Variants in EYS observed in about 807,000 individuals in gnomAD.
EYS encodes EGF-like photoreceptor maintenance factor.
EYS carries 250 observed loss-of-function variants against 282.1 expected under a neutral mutation model. The ratio of observed to expected loss-of-function variants is 0.89; its 90% CI spans 0.80 to 0.98. EYS has a LOEUF of 0.98. Among genes scored for constraint, EYS ranks in the 50% least tolerant of loss-of-function variants. The pLI, the probability that EYS is intolerant of heterozygous loss-of-function variation, is 0.00. For missense variants in EYS, 4,016 were observed against 3,709.0 expected (o/e 1.08, Z -2.15); for synonymous variants, 1,355 against 1,282.9 (o/e 1.06, Z -1.20).
At chr6:64,071,302 T>C (rs1771565080) in intron 32 of EYS, among the ~76,000 whole-genome samples, 1 of 152,034 alleles carries the variant, frequency 6.6e-6, no homozygotes, top group Non-Finnish European at 1.5e-5. Flanking sequence ...TATTTCCCAA[T>C]ACTGTAAGTT....
At chr6:64,428,869 T>C (rs112247354) in intron 28 of EYS, among the ~76,000 whole-genome samples, 3,336 of 152,262 alleles carry the variant, frequency 0.022, 138 homozygotes, top group African/African-American at 0.075. Context: ...ATCCCAGATA[T>C]ATGATAAAAT....
intron 30 of EYS, among the ~76,000 whole-genome samples, chr6:64,245,944 G>A (rs1439156458): frequency 1.4e-5 from 2 of 146,056 alleles, no homozygotes; most frequent in Non-Finnish European, 3.0e-5. Context: ...GCGTGAACCC[G>A]GGAGGCGGAG....
At chr6:64,392,077 T>G (rs1248576327) in intron 28 of EYS, among the ~76,000 whole-genome samples, 1 of 151,928 alleles carries the variant, frequency 6.6e-6, no homozygotes, top group Non-Finnish European at 1.5e-5. Context: ...AAGAGCTAAC[T>G]ATCCTAAATA....
intron 35 of EYS, among the ~76,000 whole-genome samples, chr6:63,945,859 A>G (rs1297180592): frequency 2.0e-5 from 3 of 152,200 alleles, no homozygotes; most frequent in Admixed American, 6.5e-5. Context: ...CACCACCTCA[A>G]TAACTCACAC....
chr6:65,057,652 G>T lies in EYS; in HGVS notation c.2099C>A (p.Pro700His). The change falls in exon 13 of 43, where the codon CCT becomes CAT. Residue 700 changes from proline (P) to histidine (H), a missense_variant. Transcript: ENST00000503581. ...CKNGATCIDQ[P>H]GNYFCQCVPP... is the part of the protein sequence containing the mutation. ...CACACACTGGCAGAAGTAATTACCA[G>T]GTTGGTCAATGCAGGTGGCTCCATT... is the stretch of plus-strand genomic sequence containing the variant. 6.4e-7 allele frequency: 1 copy of T among 1,550,814 alleles called. No individual in the cohort carries two copies. Among genetic ancestry groups the T allele is most frequent in the Non-Finnish European group, 8.7e-7 (1 of 1,146,350 alleles).
intron 41 of EYS, among the ~76,000 whole-genome samples, chr6:63,746,285 A>G (rs1425021581): frequency 6.6e-6 from 1 of 152,194 alleles, no homozygotes; most frequent in Non-Finnish European, 1.5e-5. Flanking sequence ...CGACTTGATC[A>G]TGGTGGATAA....
intron 35 of EYS, among the ~76,000 whole-genome samples, chr6:63,932,539 CCTGTT>C (rs1764927308): frequency 6.6e-6 from 1 of 152,106 alleles, no homozygotes; most frequent in African/African-American, 2.4e-5. Context: ...ATTTTTTAGT[CCTGTT>C]CTATTTCCTA....
intron 12 of EYS, among the ~76,000 whole-genome samples, chr6:65,184,987 A>C (rs1765481724): frequency 6.6e-6 from 1 of 151,328 alleles, no homozygotes; most frequent in Admixed American, 6.6e-5. Context: ...ATGTAATAAA[A>C]ATAAATTTGA....
intron 35 of EYS, among the ~76,000 whole-genome samples, chr6:63,936,089 A>G (rs1365477203): frequency 6.6e-6 from 1 of 152,050 alleles, no homozygotes; most frequent in African/African-American, 2.4e-5. Flanking sequence ...GTTTTACTTT[A>G]TGTTTAGTTC....
chr6:63,834,750 C>A (rs142470755), intron 36 of EYS, among the ~76,000 whole-genome samples: 246 of 152,016 alleles, frequency 1.6e-3, no homozygotes, highest in African/African-American at 5.6e-3. Flanking sequence ...GACACATGCA[C>A]GTGTATGTTT....
At chr6:65,078,624 C>T (rs1356767847) in intron 12 of EYS, among the ~76,000 whole-genome samples, 1 of 152,012 alleles carries the variant, frequency 6.6e-6, no homozygotes, top group Non-Finnish European at 1.5e-5. Context: ...TACAATAATG[C>T]ATGCAAATCA....
chr6:63,974,767 T>C (rs560498835), intron 35 of EYS, among the ~76,000 whole-genome samples: 1 of 152,196 alleles, frequency 6.6e-6, no homozygotes, highest in African/African-American at 2.4e-5. Context: ...AATACAATTG[T>C]ATTTGTAATC....
chr6:64,096,013 C>T (rs759716744), intron 31 of EYS, among the ~76,000 whole-genome samples: 26 of 152,112 alleles, frequency 1.7e-4, no homozygotes, highest in Non-Finnish European at 3.4e-4. Flanking sequence ...ACTTATGAAG[C>T]TTAGTTTGGC....
chr6:65,457,410 C>T (rs1764666297), intron 5 of EYS, among the ~76,000 whole-genome samples: 1 of 152,016 alleles, frequency 6.6e-6, no homozygotes, highest in Non-Finnish European at 1.5e-5. Context: ...AGCAATCCTT[C>T]CACCTCAGCC....
chr6:64,573,281 G>A (rs1562069382), intron 26 of EYS, among the ~76,000 whole-genome samples: 1 of 152,174 alleles, frequency 6.6e-6, no homozygotes, highest in African/African-American at 2.4e-5. Flanking sequence ...ACTCCAAATG[G>A]ATTAAAGACT....
chr6:64,825,952 A>C (rs1240898261), intron 19 of EYS, among the ~76,000 whole-genome samples: 1 of 151,800 alleles, frequency 6.6e-6, no homozygotes, highest in Non-Finnish European at 1.5e-5. Context: ...TTATTATAAC[A>C]ACAAGATTGT....
At chr6:64,925,263 G>A (rs1768478887) in intron 15 of EYS, among the ~76,000 whole-genome samples, 1 of 152,108 alleles carries the variant, frequency 6.6e-6, no homozygotes, top group South Asian at 2.1e-4. Flanking sequence ...GAATAGTGCG[G>A]GAAAGACCAG....
At chr6:65,233,293 C>T (rs990803966) in intron 12 of EYS, among the ~76,000 whole-genome samples, 1 of 152,060 alleles carries the variant, frequency 6.6e-6, no homozygotes, top group Non-Finnish European at 1.5e-5. Flanking sequence ...TGTTGTAGCA[C>T]CTATGAATAC....
chr6:63,888,765 G>T (rs148088663), intron 35 of EYS, among the ~76,000 whole-genome samples: 4 of 152,204 alleles, frequency 2.6e-5, no homozygotes, highest in Non-Finnish European at 5.9e-5. Context: ...GTAAGCAAGG[G>T]CACAAAACTG....
Sources: allele counts gnomAD v4.1 joint callset (sites outside exome capture counted in the v4.1 genomes callset), GRCh38; gene constraint gnomAD v4.1.1; transcripts MANE v1.5; gene names NCBI Gene and HGNC (gene_info 2026-07-23, HGNC 2026-07-21).